LOXHD1: variants seen among roughly 807,000 people sequenced by gnomAD.
LOXHD1 encodes the protein lipoxygenase homology domain-containing protein 1.
Under a neutral mutation model 248.2 loss-of-function variants are expected in LOXHD1, and 205 were observed. That is an observed-to-expected ratio of 0.83 (90% CI 0.74 to 0.93). LOXHD1 has a LOEUF of 0.93. LOXHD1 is among the 40% of genes least tolerant of loss of function. The pLI is 0.00. For synonymous variants in LOXHD1, 1,113 were observed against 1,162.8 expected (o/e 0.96, Z 0.87); for missense variants, 2,930 against 2,971.6 (o/e 0.99, Z 0.33).
At chr18:46,552,432 C>T (rs1388583982) in intron 21 of LOXHD1, among the ~76,000 whole-genome samples, 2 of 152,146 alleles carry the variant, frequency 1.3e-5, no homozygotes, top group Non-Finnish European at 2.9e-5. Flanking sequence ...GATCAATAAA[C>T]CTGCACCCCC....
At chr18:46,607,230 T>C (rs578125688) in intron 6 of LOXHD1, among the ~76,000 whole-genome samples, 1 of 151,800 alleles carries the variant, frequency 6.6e-6, no homozygotes, top group South Asian at 2.1e-4. Flanking sequence ...CATGGGGATA[T>C]ATGCATGCTA....
rs2144002067 is a variant in LOXHD1 at position 46,559,435 on chromosome 18, A to C, written c.3216+13T>G. 1 of 1,551,802 alleles carries C rather than the reference A, an allele frequency of 6.4e-7. No homozygotes were observed. The highest frequency in any genetic ancestry group is 8.7e-7 in the Non-Finnish European group (1 of 1,147,020). On this transcript the variant is annotated intron_variant, in intron 20 of 40. Transcript: ENST00000642948. ...CACAGCCCCCACCCAGGGGCCAGAG[A>C]CCCTCACCCTACCTGCCCCTGCTCA...
intron 31 of LOXHD1, among the ~76,000 whole-genome samples, chr18:46,522,966 A>AG (rs2035653083): frequency 2.7e-5 from 4 of 147,178 alleles, no homozygotes; most frequent in Admixed American, 1.4e-4. Context: ...CTTTTTTTTG[A>AG]GATGGAGTTC....
intron 40 of LOXHD1, among the ~76,000 whole-genome samples, chr18:46,482,456 C>T (rs1825358200): frequency 6.6e-6 from 1 of 152,218 alleles, no homozygotes; most frequent in South Asian, 2.1e-4. Context: ...GCTCCCAGAA[C>T]TCCACCATGC....
At chr18:46,603,955 G>A (rs2038375931) in intron 7 of LOXHD1, 151 bp downstream of exon 7, 1 of 1,103,236 alleles carries the variant, frequency 9.1e-7, no homozygotes, top group Admixed American at 2.6e-5. Flanking sequence ...CAACCCAGTG[G>A]GACAGAACAG....
chr18:46,551,120 T>G (rs1409215681), intron 21 of LOXHD1, among the ~76,000 whole-genome samples: 6 of 150,988 alleles, frequency 4.0e-5, no homozygotes, highest in African/African-American at 1.5e-4. Flanking sequence ...TTTTTTTTTT[T>G]GAGACAGAGT....
chr18:46,494,849 CTTTTT>C (rs58016824), intron 37 of LOXHD1, among the ~76,000 whole-genome samples: 70 of 96,548 alleles, frequency 7.3e-4, no homozygotes, highest in East Asian at 3.1e-3. Context: ...TTCTCTCTCT[CTTTTT>C]TTTTTTTTTT....
intron 37 of LOXHD1, among the ~76,000 whole-genome samples, chr18:46,494,256 C>T (rs113936665): frequency 1.1e-3 from 160 of 152,284 alleles, no homozygotes; most frequent in Non-Finnish European, 2.0e-3. Flanking sequence ...ATCTTAGGAG[C>T]TCTTAATTGT....
In LOXHD1 at chr18:46,546,946, T is replaced by A. The variant is rs1893566; in HGVS notation, c.3463A>T (p.Arg1155Trp). Residue 1155 changes from arginine (R) to tryptophan (W), a missense_variant, in exon 22 of 41, where the codon AGG (arginine) becomes TGG (tryptophan). Coordinates refer to ENST00000642948, the MANE Select transcript of LOXHD1 (RefSeq NM_001384474.1). ...SYVLPQSEEGRGGGDNNPLDN... is the reference protein window; with the variant it reads ...SYVLPQSEEGWGGGDNNPLDN... ...AGGGGGTTGTTGTCACCGCCTCCCCTACCCTCCTCGCTCTGTGGCAGCACA... is the reference window on the plus strand; with the variant it reads ...AGGGGGTTGTTGTCACCGCCTCCCCAACCCTCCTCGCTCTGTGGCAGCACA... 7 of 1,551,350 alleles carry A rather than the reference T, an allele frequency of 4.5e-6. No homozygotes were observed. The highest frequency in any genetic ancestry group is 3.9e-5 in the Admixed American group (2 of 50,980).
At chr18:46,494,845 C>CTTTTTTTTTTTTT (rs1262291195) in intron 37 of LOXHD1, among the ~76,000 whole-genome samples, 1 of 124,926 alleles carries the variant, frequency 8.0e-6, no homozygotes. Flanking sequence ...CTTTTTCTCT[C>CTTTTTTTTTTTTT]TCTCTTTTTT....
Position 46,524,481 on chromosome 18 carries a change from C to T in LOXHD1, c.4861G>A (p.Val1621Ile), listed in dbSNP as rs955382829. 13 of 1,551,284 alleles carry T rather than the reference C, an allele frequency of 8.4e-6. No individual in the cohort carries two copies. The Admixed American group carries it at 1.4e-4, about 16-fold the overall frequency. ...GTTGGCTTACTTGGGCCCTCTTGAA[C>T]GTAGTCAGCCATGGGCCCGGTCACT... ...STVTGPMADYVQEGPIIPYYV... is the reference protein window; with the variant it reads ...STVTGPMADYIQEGPIIPYYV... The change falls in exon 31 of 41, where the codon GTT (valine) becomes ATT (isoleucine). Residue 1621 changes from valine to isoleucine, a missense_variant. Val to Ile is a conservative substitution (Grantham distance 29). Transcript: ENST00000642948.
At chr18:46,573,882 T>C (rs181185139) in intron 14 of LOXHD1, among the ~76,000 whole-genome samples, 32 of 152,276 alleles carry the variant, frequency 2.1e-4, no homozygotes, top group African/African-American at 5.8e-4. Context: ...AAGAAAACCA[T>C]TGGAGACTCC....
At chr18:46,560,048 T>TCCCGACCCC in intron 19 of LOXHD1, 35 bp downstream of exon 19, 3 of 1,226,298 alleles carry the variant, frequency 2.4e-6, no homozygotes, top group Non-Finnish European at 3.4e-6. Context: ...GTCTGGCCAC[T>TCCCGACCCC]CCCTCCCCAC....
chr18:46,527,985 C>T (rs1041470712), intron 29 of LOXHD1, among the ~76,000 whole-genome samples: 1 of 152,150 alleles, frequency 6.6e-6, no homozygotes, highest in Non-Finnish European at 1.5e-5. Context: ...GGGGCTCCTT[C>T]CACAGTCTCT....
intron 21 of LOXHD1, among the ~76,000 whole-genome samples, chr18:46,553,751 T>C (rs1241202462): frequency 3.9e-5 from 6 of 152,036 alleles, no homozygotes; most frequent in Non-Finnish European, 8.8e-5. Flanking sequence ...TAAGCTGATA[T>C]AGAGAAAAAT....
rs117741416 is a variant in LOXHD1, at chr18:46,491,082, C to T, written c.5879-1940G>A. Among the ~76,000 whole-genome samples the T allele has an allele frequency of 3.9e-3, 597 of 152,278 alleles. 1 individual carries two copies. Among genetic ancestry groups the T allele is most frequent in the African/African-American group, 0.012 (516 of 41,552 alleles). On this transcript the variant is annotated intron_variant, in intron 37 of 40. Transcript: ENST00000642948. The stretch of plus-strand genomic sequence containing the variant: ...GTAAAGAGGAAGGCAGAGAAAAAGG[C>T]GACAAGTTGATGATTTTATTGGAAG...
intron 21 of LOXHD1, chr18:46,554,978 G>A (rs1163472242): frequency 3.2e-6 from 1 of 317,154 alleles, no homozygotes; most frequent in Non-Finnish European, 6.5e-6. Context: ...GTCTTGATTT[G>A]AAAAAGGCAA....
intron 3 of LOXHD1, among the ~76,000 whole-genome samples, chr18:46,641,693 C>T (rs2038964733): frequency 6.6e-6 from 1 of 152,166 alleles, no homozygotes; most frequent in South Asian, 2.1e-4. Context: ...GTCTCTGCCC[C>T]TAACCACTAT....
intron 8 of LOXHD1, among the ~76,000 whole-genome samples, chr18:46,600,022 T>C (rs1396260943): frequency 1.3e-5 from 2 of 152,282 alleles, no homozygotes; most frequent in South Asian, 2.1e-4. Context: ...TTGGAAATAA[T>C]AGTTATCCTA....
Sources: gnomAD v4.1 joint callset for allele counts (sites outside exome capture counted in the v4.1 genomes callset) on GRCh38, gnomAD v4.1.1 for gene constraint, MANE v1.5 for transcripts, NCBI Gene and HGNC (gene_info 2026-07-23, HGNC 2026-07-21) for gene names.